SLC35F5: variants seen among roughly 807,000 people sequenced by gnomAD.
SLC35F5 encodes the protein HCV NS5A-transactivated protein 3.
A neutral mutation model predicts 68.6 loss-of-function variants in SLC35F5; 54 were observed. That is an observed-to-expected ratio of 0.79 (90% CI 0.63 to 0.99). The LOEUF is 0.99. Among genes scored for constraint, SLC35F5 ranks in the 50% least tolerant of loss-of-function variants. The probability of loss-of-function intolerance (pLI) is 0.00; values close to 1 mark genes in which losing one functional copy is unlikely to be tolerated. For synonymous variants in SLC35F5, 211 were observed against 205.2 expected (o/e 1.03, Z -0.24); for missense variants, 567 against 626.9 (o/e 0.90, Z 1.02).
chr2:113,720,383 A>G (rs1354102628), intron 13 of SLC35F5, among the ~76,000 whole-genome samples: 1 of 152,006 alleles, frequency 6.6e-6, no homozygotes, highest in South Asian at 2.1e-4. Flanking sequence ...GGTGGAAAAC[A>G]TATACTATTC....
intron 8 of SLC35F5, among the ~76,000 whole-genome samples, chr2:113,734,926 AAACT>A (rs1362967325): frequency 1.3e-5 from 2 of 152,216 alleles, no homozygotes; most frequent in Non-Finnish European, 2.9e-5. Context: ...TATTTATTTT[AAACT>A]AATAGGAAAC....
At chr2:113,718,944 G>A (rs1191363006) in intron 14 of SLC35F5, among the ~76,000 whole-genome samples, 4 of 147,496 alleles carry the variant, frequency 2.7e-5, no homozygotes, top group African/African-American at 1.0e-4. Flanking sequence ...AGGAAGAAAG[G>A]AAGGAAGGAA....
chr2:113,729,303 GAA>G (rs3841578), intron 11 of SLC35F5, 96 bp downstream of exon 11: 6 of 582,234 alleles, frequency 1.0e-5, no homozygotes, highest in South Asian at 2.4e-5. Context: ...TCATACGGAA[GAA>G]AAAAAAAGGC....
chr2:113,752,217 C>A (rs140010535), intron 3 of SLC35F5, among the ~76,000 whole-genome samples: 520 of 112,714 alleles, frequency 4.6e-3, no homozygotes, highest in Middle Eastern at 8.6e-3. Context: ...TGTCCCATCT[C>A]AAAAAAAAAA....
chr2:113,743,606 C>A, intron 6 of SLC35F5, 107 bp downstream of exon 6: 1 of 733,580 alleles, frequency 1.4e-6, no homozygotes, highest in Non-Finnish European at 2.3e-6. Context: ...GAGTCAAGAC[C>A]ACATGGAGCA....
In SLC35F5 at chr2:113,744,698, A is replaced by G. The variant is rs561576877; in HGVS notation, c.481-904T>C. Among the ~76,000 whole-genome samples, 6 of 152,292 alleles carry G rather than the reference A, an allele frequency of 3.9e-5. 1 individual carries two copies. Among genetic ancestry groups the G allele is most frequent in the African/African-American group, 1.4e-4 (6 of 41,570 alleles). ...ACCAGGAGACGGAGGTTGTGCAGTG[A>G]GCTGAGATTGCGCCACTGCACTCCA... On this transcript the variant is annotated intron_variant, in intron 5 of 15. Coordinates refer to ENST00000245680, the MANE Select transcript of SLC35F5 (RefSeq NM_025181.5).
chr2:113,704,499 G>A (rs1386110845), downstream of SLC35F5, among the ~76,000 whole-genome samples: 4 of 152,200 alleles, frequency 2.6e-5, no homozygotes, highest in African/African-American at 4.8e-5. Context: ...AGGAGCCCAC[G>A]GAGCTGGGAA....
rs138332010 is a variant in SLC35F5 at position 113,750,530 on chromosome 2, G to A, written c.312C>T (p.Thr104=). ...AAACAAACATAGATGTTTTTGCAAA[G>A]GTGCTGAAGAATGGTTTGTTGTACT... is the stretch of plus-strand genomic sequence containing the variant. ...FTQYNKPFFS[T]FAKTSMFVLY... The change falls in exon 4 of 16, where the codon ACC becomes ACT. Residue 104 remains threonine (T), a synonymous_variant. Transcript: ENST00000245680. 6.2e-6 allele frequency: 10 copies of A among 1,612,476 alleles called. No individual in the cohort carries two copies. Among genetic ancestry groups the A allele is most frequent in the Non-Finnish European group, 8.5e-6 (10 of 1,179,380 alleles).
chr2:113,726,493 A>C (rs915709638), intron 11 of SLC35F5, among the ~76,000 whole-genome samples: 6 of 152,204 alleles, frequency 3.9e-5, no homozygotes, highest in African/African-American at 1.4e-4. Flanking sequence ...GCTTTCTTAA[A>C]AGAAAATTAA....
At chr2:113,755,037 TA>T in intron 3 of SLC35F5, 127 bp downstream of exon 3, 1 of 887,164 alleles carries the variant, frequency 1.1e-6, no homozygotes, top group Non-Finnish European at 1.6e-6. Context: ...CAACGTTTTT[TA>T]AAAATTCAAT....
At position 113,723,995 on chromosome 2, in the gene SLC35F5, A is replaced by G. The variant is rs117316444; in HGVS notation, c.1251-801T>C. The stretch of plus-strand genomic sequence containing the variant: ...TATTGTTAGGACTACAGATCCATGG[A>G]AGTTATAGGCAAGTAAAATCTAGCT... On this transcript the variant is annotated intron_variant, in intron 12 of 15. Transcript: ENST00000245680. Among the ~76,000 whole-genome samples, 161 of 152,332 alleles carry G rather than the reference A, an allele frequency of 1.1e-3. 4 individuals carry two copies. The East Asian group carries it at 0.028, about 27-fold the overall frequency.
At chr2:113,704,579 A>G (rs1686761684), downstream of SLC35F5, among the ~76,000 whole-genome samples, 1 of 151,982 alleles carries the variant, frequency 6.6e-6, no homozygotes, top group Non-Finnish European at 1.5e-5. Flanking sequence ...CCGGCGAGAA[A>G]TCGAGCGCAG....
chr2:113,729,676 C>T (rs1687808448), intron 10 of SLC35F5, among the ~76,000 whole-genome samples, 171 bp from the exon 11 acceptor site: 1 of 152,026 alleles, frequency 6.6e-6, no homozygotes. Flanking sequence ...AAGGTATAGC[C>T]TACCCCATCC....
At chr2:113,718,535 A>G (rs551125396) in intron 14 of SLC35F5, among the ~76,000 whole-genome samples, 6 of 152,310 alleles carry the variant, frequency 3.9e-5, no homozygotes, top group African/African-American at 1.4e-4. Flanking sequence ...CCTGTGAATC[A>G]TATTTTTTTT....
intron 7 of SLC35F5, among the ~76,000 whole-genome samples, chr2:113,739,982 A>G (rs1274822800): frequency 6.6e-6 from 1 of 152,230 alleles, no homozygotes; most frequent in East Asian, 1.9e-4. Context: ...GTGGAAATGA[A>G]TCATCACAGA....
At chr2:113,737,852 TACA>T (rs1688148798) in intron 7 of SLC35F5, among the ~76,000 whole-genome samples, 2 of 152,206 alleles carry the variant, frequency 1.3e-5, no homozygotes, top group Non-Finnish European at 1.5e-5. Context: ...AAATTGTCCA[TACA>T]ACGTCTCCCT....
Position 113,755,442 on chromosome 2 carries a change from C to T in SLC35F5, c.131+12G>A, listed in dbSNP as rs557519017. 2.5e-6 allele frequency: 4 copies of T among 1,613,610 alleles called. No homozygotes were observed. Among genetic ancestry groups the T allele is most frequent in the Non-Finnish European group, 3.4e-6 (4 of 1,179,584 alleles). On this transcript the variant is annotated intron_variant, in intron 2 of 15. Coordinates refer to ENST00000245680, the MANE Select transcript of SLC35F5 (RefSeq NM_025181.5). ...GTGTGAAAGTTACATAGAGGATAAA[C>T]GTGGAATCTACCTTGTCTTAAGAGC...
At chr2:113,750,854 G>A (rs1676708758) in intron 3 of SLC35F5, among the ~76,000 whole-genome samples, 1 of 152,226 alleles carries the variant, frequency 6.6e-6, no homozygotes. Flanking sequence ...CTAAAGAAAA[G>A]TAAGACAGGG....
chr2:113,755,714 C>T (rs931357343), intron 1 of SLC35F5, 170 bp from the exon 2 acceptor site: 1 of 1,028,986 alleles, frequency 9.7e-7, no homozygotes, highest in Non-Finnish European at 1.5e-6. Flanking sequence ...ATCCACTGCA[C>T]GCTTCAGATT....
Sources: allele counts gnomAD v4.1 joint callset (sites outside exome capture counted in the v4.1 genomes callset), GRCh38; gene constraint gnomAD v4.1.1; transcripts MANE v1.5; gene names NCBI Gene and HGNC (gene_info 2026-07-23, HGNC 2026-07-21).